The following PLEKHG3 variants were observed in gnomAD, a reference collection of about 807,000 sequenced individuals.
PLEKHG3 encodes the protein pleckstrin homology and RhoGEF domain containing G3, also known as pleckstrin homology domain-containing family G member 3.
Under a neutral mutation model 94.9 loss-of-function variants are expected in PLEKHG3, and 62 were observed. The ratio of observed to expected loss-of-function variants is 0.65; its 90% CI spans 0.53 to 0.81. The LOEUF (loss-of-function observed/expected upper bound fraction) is 0.81, where lower values mean the gene tolerates loss of function less well. PLEKHG3 is among the 30% of genes least tolerant of loss of function. PLEKHG3 has a pLI of 0.00. For missense variants in PLEKHG3, 1,461 were observed against 1,619.3 expected, an observed-to-expected ratio of 0.90 and a Z score of 1.68; for synonymous variants, 614 against 654.0, an observed-to-expected ratio of 0.94 and a Z score of 0.93.
chr14:64,725,265 T>C lies in PLEKHG3; in HGVS notation c.-39-2328T>C, dbSNP rs922623459. ...TGAACTGGCTGGCTGTGAAATCCAT[T>C]TGGGAGTGGGGCCGTTTCCATTTAG... is the stretch of plus-strand genomic sequence containing the variant. On this transcript the variant is annotated intron_variant, in intron 1 of 16. Transcript: ENST00000247226. This position sits in a 1 kb window ranked among gnomAD's most constrained non-coding sequence, Gnocchi z 5.0. Among the ~76,000 whole-genome samples the C allele has an allele frequency of 5.3e-5, 8 of 152,048 alleles. No individual in the cohort carries two copies. Among genetic ancestry groups the C allele is most frequent in the African/African-American group, 1.9e-4 (8 of 41,384 alleles).
In PLEKHG3 at chr14:64,720,336, C is replaced by T. The variant is rs529245429; in HGVS notation, c.-39-7257C>T. On this transcript the variant is annotated intron_variant, in intron 1 of 16. Transcript: ENST00000247226. The surrounding 1 kb of genome is among the most constrained non-coding windows in gnomAD (Gnocchi z 4.1). ...GTGAATGAGCAGTCATCAATCCTGG[C>T]GCTTCTTGGTTGATCGGAAACTTGC... 7.2e-5 allele frequency among the ~76,000 whole-genome samples: 11 copies of T among 152,302 alleles called. No individual in the cohort carries two copies. The highest frequency in any genetic ancestry group is 1.9e-4 in the African/African-American group (8 of 41,578).
Position 64,743,714 on chromosome 14 carries a change from T to C in PLEKHG3, c.*11T>C. On this transcript the variant is annotated 3_prime_UTR_variant, in exon 17 of 17. Transcript: ENST00000247226. The surrounding 1 kb of genome is among the most constrained non-coding windows in gnomAD (Gnocchi z 7.2). ...AACTCTGTCGGTTGATGCTGACTCCTGGGGGAGGGAGGAGTCATGTTGGAG... is the reference window on the plus strand; with the variant it reads ...AACTCTGTCGGTTGATGCTGACTCCCGGGGGAGGGAGGAGTCATGTTGGAG... 6.6e-7 allele frequency: 1 copy of C among 1,525,308 alleles called. No individual in the cohort carries two copies. Among genetic ancestry groups the C allele is most frequent in the Non-Finnish European group, 8.8e-7 (1 of 1,140,186 alleles). 94.5% of individuals were successfully genotyped at this position (1,525,308 alleles called of 1,614,324 possible).
At position 64,730,286 on chromosome 14, in the gene PLEKHG3, G is replaced by T; in HGVS notation, c.493G>T (p.Ala165Ser). 6.5e-7 allele frequency: 1 copy of T among 1,535,192 alleles called. No homozygotes were observed. The highest frequency in any genetic ancestry group is 1.2e-5 in the South Asian group (1 of 84,050). The change falls in exon 4 of 17, where the codon GCT becomes TCT. Residue 165 changes from alanine to serine, a missense_variant. By Grantham distance (99) the Ala-to-Ser change is moderately conservative (BLOSUM62 1). Coordinates refer to ENST00000247226, the MANE Select transcript of PLEKHG3 (RefSeq NM_001308147.2). This position sits in a 1 kb window ranked among gnomAD's most constrained non-coding sequence, Gnocchi z 5.4. ...DLDSCNSDPV[A>S]VASCFVERSQ... ...GGACAGCTGCAATAGTGACCCCGTG[G>T]CTGTGGCCAGCTGCTTTGTGGAAAG...
chr14:64,730,391 AT>A lies in PLEKHG3; in HGVS notation c.519+80del. 1.0e-6 allele frequency: 1 copy of A among 959,252 alleles called. No individual in the cohort carries two copies. The highest frequency in any genetic ancestry group is 1.6e-6 in the Non-Finnish European group (1 of 620,600). The allele number at this position is 959,252 out of a possible 1,614,324, so 59.4% of individuals were successfully genotyped here. On this transcript the variant is annotated intron_variant, in intron 4 of 16. Transcript: ENST00000247226. This position sits in a 1 kb window ranked among gnomAD's most constrained non-coding sequence, Gnocchi z 5.4. The stretch of plus-strand genomic sequence containing the variant: ...ACAAGAACTGCCAGCATAAGAGGAC[AT>A]CTGAGTCCTGGGGATTCCTTTCCAG...
chr14:64,741,308 T>C lies in PLEKHG3; in HGVS notation c.1791T>C (p.Ser597=), dbSNP rs229650. The C allele has an allele frequency of 0.23, 372,833 of 1,613,470 alleles. 45,678 individuals are homozygous for C. Among genetic ancestry groups the C allele is most frequent in the African/African-American group, 0.37 (27,774 of 74,924 alleles). ...AGCCTGAGAGCCTTCTGCCACCCTCTGTGCTGGACCAGGCCAGCGTCATTG... is the reference window on the plus strand; with the variant it reads ...AGCCTGAGAGCCTTCTGCCACCCTCCGTGCTGGACCAGGCCAGCGTCATTG... ...AQEPESLLPP[S]VLDQASVIAE... The change falls in exon 16 of 17, where the codon TCT becomes TCC. Residue 597 remains serine (S), a synonymous_variant. Transcript: ENST00000247226.
rs1306699302 is a variant in PLEKHG3, at chr14:64,732,028, G to T, written c.1126-67G>T. ...CTTTTTCTCCCTGGGTGGAAGCACT[G>T]TCCATGCTAGACAGCTTCAGGCCTG... On this transcript the variant is annotated intron_variant, in intron 9 of 16. Transcript: ENST00000247226. This position sits in a 1 kb window ranked among gnomAD's most constrained non-coding sequence, Gnocchi z 4.9. The T allele has an allele frequency of 1.6e-6, 2 of 1,213,024 alleles. No individual in the cohort carries two copies. The highest frequency in any genetic ancestry group is 2.5e-6 in the Non-Finnish European group (2 of 815,280). 75.1% of individuals were successfully genotyped at this position (1,213,024 alleles called of 1,614,324 possible). A position where few individuals can be genotyped will look rare whatever the true frequency, so the allele number is the denominator to read the frequency against.
In PLEKHG3 at chr14:64,749,182, G is replaced by C. The variant is rs1171101678; in HGVS notation, c.*5479G>C. The stretch of plus-strand genomic sequence containing the variant: ...GCTTTTGCAGTGCAGCGTGGGGCCC[G>C]GGGGCCCGGCCCGCGACTCGACTCA... On this transcript the variant is annotated 3_prime_UTR_variant, in exon 17 of 17. Transcript: ENST00000247226. The surrounding 1 kb of genome is among the most constrained non-coding windows in gnomAD (Gnocchi z 4.7). The C allele has an allele frequency of 4.1e-6, 5 of 1,221,522 alleles. No homozygotes were observed. Among genetic ancestry groups the C allele is most frequent in the Admixed American group, 2.3e-5 (1 of 43,404 alleles). 75.7% of individuals were successfully genotyped at this position (1,221,522 alleles called of 1,614,324 possible). A position where few individuals can be genotyped will look rare whatever the true frequency, so the allele number is the denominator to read the frequency against.
Position 64,730,393 on chromosome 14 carries a change from C to A in PLEKHG3, c.519+81C>A. ...AAGAACTGCCAGCATAAGAGGACAT[C>A]TGAGTCCTGGGGATTCCTTTCCAGG... On this transcript the variant is annotated intron_variant, in intron 4 of 16. Transcript: ENST00000247226. This position sits in a 1 kb window ranked among gnomAD's most constrained non-coding sequence, Gnocchi z 5.4. The A allele has an allele frequency of 1.0e-6, 1 of 956,952 alleles. No individual in the cohort carries two copies. The highest frequency in any genetic ancestry group is 1.6e-6 in the Non-Finnish European group (1 of 618,804). The allele number at this position is 956,952 out of a possible 1,614,324, so 59.3% of individuals were successfully genotyped here. A position where few individuals can be genotyped will look rare whatever the true frequency, so the allele number is the denominator to read the frequency against.
rs757866841 is a variant in PLEKHG3 at position 64,727,830 on chromosome 14, A to G, written c.199A>G (p.Ser67Gly). 1 of 1,612,960 alleles carries G rather than the reference A, an allele frequency of 6.2e-7. No individual in the cohort carries two copies. Among genetic ancestry groups the G allele is most frequent in the South Asian group, 1.1e-5 (1 of 91,056 alleles). Residue 67 changes from serine to glycine, a missense_variant, in exon 2 of 17, where the codon AGC becomes GGC. Physicochemically the swap from Ser to Gly is moderately conservative, Grantham distance 56. Around this residue, in one of 3 missense-constraint regions of PLEKHG3, gnomAD observed 253 missense variants for 297.8 expected, o/e 0.85. Transcript: ENST00000247226. This position sits in a 1 kb window ranked among gnomAD's most constrained non-coding sequence, Gnocchi z 6.0. The stretch of plus-strand genomic sequence containing the variant: ...GCCCAACAGCAACAACAACTCCAGC[A>G]GCTGGTTGAACGTGAAGGGGCCCCT... ...HLPNSNNNSS[S>G]WLNVKGPLSP... is the part of the protein sequence containing the mutation.
rs1240419248 is a variant in PLEKHG3, at chr14:64,741,071, G to A, written c.1554G>A (p.Glu518=). ...ACCCTGAGGCTGGGAGTGAGCAAGA[G>A]GTATTTTCTGCTGTGGAAGGGCCCA... is the stretch of plus-strand genomic sequence containing the variant. ...EPDPEAGSEQ[E]VFSAVEGPSA... Residue 518 remains glutamate, a synonymous_variant, in exon 16 of 17, where the codon GAG becomes GAA. Coordinates refer to ENST00000247226, the MANE Select transcript of PLEKHG3 (RefSeq NM_001308147.2). 1 of 1,606,956 alleles carries A rather than the reference G, an allele frequency of 6.2e-7. No homozygotes were observed. Among genetic ancestry groups the A allele is most frequent in the East Asian group, 2.2e-5 (1 of 44,676 alleles).
intron 12 of PLEKHG3, among the ~76,000 whole-genome samples, chr14:64,734,517 A>C (rs2081533357): frequency 6.6e-6 from 1 of 152,318 alleles, no homozygotes; most frequent in South Asian, 2.1e-4. Flanking sequence ...TTGTATTTGA[A>C]TTATATTTCA....
In PLEKHG3 at chr14:64,727,956, G is replaced by T; in HGVS notation, c.325G>T (p.Val109Leu). Residue 109 changes from valine (V) to leucine (L), a missense_variant, in exon 2 of 17, where the codon GTA becomes TTA. By Grantham distance (32) the Val-to-Leu change is conservative. Around this residue, in one of 3 missense-constraint regions of PLEKHG3, gnomAD observed 253 missense variants for 297.8 expected, o/e 0.85. Coordinates refer to ENST00000247226, the MANE Select transcript of PLEKHG3 (RefSeq NM_001308147.2). The surrounding 1 kb of genome is among the most constrained non-coding windows in gnomAD (Gnocchi z 6.0). ...REIVETERMY[V>L]QDLRSIVEDY... The stretch of plus-strand genomic sequence containing the variant: ...GATCGTGGAGACAGAGCGCATGTAC[G>T]TACAGGACCTGCGCAGCATCGTGGA... 6.3e-7 allele frequency: 1 copy of T among 1,591,508 alleles called. No homozygotes were observed.
rs1278393150 is a variant in PLEKHG3 at position 64,741,436 on chromosome 14, G to A, written c.1919G>A (p.Ser640Asn). 1.2e-6 allele frequency: 2 copies of A among 1,612,752 alleles called. No individual in the cohort carries two copies. Among genetic ancestry groups the A allele is most frequent in the Non-Finnish European group, 1.7e-6 (2 of 1,180,004 alleles). ...GSPRLVSRSS[S>N]VLSLEGSEKG... ...CCGCGGCTGGTCAGCCGGAGCAGCAGCGTGCTCAGCCTGGAGGGCAGCGAG... is the reference window on the plus strand; with the variant it reads ...CCGCGGCTGGTCAGCCGGAGCAGCAACGTGCTCAGCCTGGAGGGCAGCGAG... Residue 640 changes from serine (S) to asparagine (N), a missense_variant, in exon 16 of 17, where the codon AGC becomes AAC. This residue lies in a region of PLEKHG3 where 1,201 missense variants were observed against 1,295.5 expected (regional missense o/e 0.93). Transcript: ENST00000247226.
chr14:64,731,249 C>T lies in PLEKHG3; in HGVS notation c.849+80C>T. 1 of 1,479,420 alleles carries T rather than the reference C, an allele frequency of 6.8e-7. No homozygotes were observed. The highest frequency in any genetic ancestry group is 9.3e-7 in the Non-Finnish European group (1 of 1,070,692). 91.6% of individuals were successfully genotyped at this position (1,479,420 alleles called of 1,614,324 possible). A position where few individuals can be genotyped will look rare whatever the true frequency, so the allele number is the denominator to read the frequency against. On this transcript the variant is annotated intron_variant, in intron 7 of 16. Transcript: ENST00000247226. The surrounding 1 kb of genome is among the most constrained non-coding windows in gnomAD (Gnocchi z 6.1). ...CGCTGGGAAGAGGGACTGTGGCCAC[C>T]CTGCTGGGATGAGCTGGGCAGTGGC...
rs74056393 is a variant in PLEKHG3 at position 64,715,598 on chromosome 14, C to T, written c.-40+10894C>T. 8.2e-3 allele frequency: 1,313 copies of T among 160,904 alleles called. 20 individuals carry two copies. The highest frequency in any genetic ancestry group is 0.03 in the African/African-American group (1,251 of 41,598). 10.0% of individuals were successfully genotyped at this position (160,904 alleles called of 1,614,324 possible). A position where few individuals can be genotyped will look rare whatever the true frequency, so the allele number is the denominator to read the frequency against. ...GGCAGAAGGGTTAATTATCCTTCAG[C>T]CTCGAGGGCCTGGGGTGGGGGAGGT... On this transcript the variant is annotated intron_variant, in intron 1 of 16. Coordinates refer to ENST00000247226, the MANE Select transcript of PLEKHG3 (RefSeq NM_001308147.2). The surrounding 1 kb of genome is among the most constrained non-coding windows in gnomAD (Gnocchi z 4.4).
In PLEKHG3 at chr14:64,732,246, G is replaced by A. The variant is rs747081874; in HGVS notation, c.1212+65G>A. 3.3e-5 allele frequency: 47 copies of A among 1,436,668 alleles called. 1 individual carries two copies. The highest frequency in any genetic ancestry group is 4.6e-5 in the Non-Finnish European group (47 of 1,018,914). The allele number at this position is 1,436,668 out of a possible 1,614,324, so 89.0% of individuals were successfully genotyped here. On this transcript the variant is annotated intron_variant, in intron 10 of 16. Transcript: ENST00000247226. The surrounding 1 kb of genome is among the most constrained non-coding windows in gnomAD (Gnocchi z 4.9). ...TGCTCCTCTGAGCCAGCTCTGCAAG[G>A]TCCATTGGGGGCTCACCTTCTGGAT...
intron 13 of PLEKHG3, 92 bp from the exon 14 acceptor site, chr14:64,737,264 T>C: frequency 1.1e-6 from 1 of 938,520 alleles, no homozygotes. Context: ...CAGGGAGCTG[T>C]CCAGAGGTCT....
At chr14:64,706,473 C>T (rs2080972568) in intron 1 of PLEKHG3, among the ~76,000 whole-genome samples, 1 of 152,232 alleles carries the variant, frequency 6.6e-6, no homozygotes, top group South Asian at 2.1e-4. Flanking sequence ...TGCTCTTCCT[C>T]ATAGGAGCTG....
At chr14:64,734,052 C>T (rs551947081) in intron 12 of PLEKHG3, among the ~76,000 whole-genome samples, 19 of 152,280 alleles carry the variant, frequency 1.2e-4, no homozygotes, top group South Asian at 4.1e-4. Context: ...TGGTGATGAC[C>T]TGTGGGTCCC....
Sources: allele counts gnomAD v4.1 joint callset (sites outside exome capture counted in the v4.1 genomes callset), GRCh38; gene constraint gnomAD v4.1.1; regional missense constraint gnomAD v4.1.1; non-coding constraint Gnocchi (gnomAD v3.1); transcripts MANE v1.5; gene names NCBI Gene and HGNC (gene_info 2026-07-23, HGNC 2026-07-21).